Variants in SLC43A1 observed in about 807,000 individuals in gnomAD.
The protein encoded by SLC43A1 is large neutral amino acids transporter small subunit 3.
SLC43A1 carries 31 observed loss-of-function variants against 59.5 expected under a neutral mutation model. The ratio of observed to expected loss-of-function variants is 0.52; its 90% CI spans 0.39 to 0.70. The LOEUF is 0.70. Among genes scored for constraint, SLC43A1 ranks in the 30% least tolerant of loss-of-function variants. The probability of loss-of-function intolerance (pLI) is 0.00; values close to 1 mark genes in which losing one functional copy is unlikely to be tolerated. For missense variants in SLC43A1, 598 were observed against 717.8 expected (o/e 0.83, Z 1.91); for synonymous variants, 259 against 290.9 (o/e 0.89, Z 1.12).
intron 2 of SLC43A1, among the ~76,000 whole-genome samples, chr11:57,502,322 C>G (rs1452219935): frequency 6.6e-6 from 1 of 152,226 alleles, no homozygotes; most frequent in African/African-American, 2.4e-5. Context: ...GCACCTTGAC[C>G]AAGTAACTTT....
chr11:57,500,573 C>A (rs975864305), intron 5 of SLC43A1, among the ~76,000 whole-genome samples: 5 of 152,280 alleles, frequency 3.3e-5, no homozygotes, highest in South Asian at 2.1e-4. Context: ...TTAACATACA[C>A]CCCGACACAC....
intron 2 of SLC43A1, among the ~76,000 whole-genome samples, chr11:57,510,795 C>T (rs1285507036): frequency 1.3e-5 from 2 of 151,918 alleles, no homozygotes; most frequent in African/African-American, 4.8e-5. Flanking sequence ...ATTTCAAGAC[C>T]AGCCTGGACA....
At chr11:57,504,493 A>G (rs1944346577) in intron 2 of SLC43A1, among the ~76,000 whole-genome samples, 1 of 152,248 alleles carries the variant, frequency 6.6e-6, no homozygotes, top group Non-Finnish European at 1.5e-5. Flanking sequence ...GTGCAAATTT[A>G]CACCTACTTT....
chr11:57,491,494 T>C, intron 10 of SLC43A1, 97 bp downstream of exon 10: 1 of 1,585,962 alleles, frequency 6.3e-7, no homozygotes, highest in Non-Finnish European at 8.6e-7. Context: ...CACAAAAGGG[T>C]TACCTGGGTG....
At chr11:57,499,182 G>A (rs1166112202) in intron 5 of SLC43A1, among the ~76,000 whole-genome samples, 1 of 152,120 alleles carries the variant, frequency 6.6e-6, no homozygotes, top group Non-Finnish European at 1.5e-5. Context: ...AAATTAGCCG[G>A]GCGTGGAGGC....
intron 13 of SLC43A1, among the ~76,000 whole-genome samples, chr11:57,487,699 G>A (rs1220541359): frequency 1.3e-5 from 2 of 151,754 alleles, no homozygotes; most frequent in African/African-American, 2.4e-5. Context: ...GATAAACGCT[G>A]AGAAAAACCA....
At chr11:57,490,829 A>G (rs1313243395) in intron 11 of SLC43A1, among the ~76,000 whole-genome samples, 1 of 152,240 alleles carries the variant, frequency 6.6e-6, no homozygotes, top group African/African-American at 2.4e-5. Flanking sequence ...TCTAGCCCTA[A>G]CAAGACTTTA....
rs111676609 is a variant in SLC43A1 at position 57,489,243 on chromosome 11, G to A, written c.1335+8C>T. 57 of 1,614,174 alleles carry A rather than the reference G, an allele frequency of 3.5e-5. 1 individual carries two copies. The African/African-American group carries it at 4.1e-4, about 12-fold the overall frequency. ...AGGCAGGGAGAGGGGAAGGATGAAG[G>A]TGGGTACCTGGAGGTGTAAGTTGTT... On this transcript the variant is annotated splice_region_variant and intron_variant, in intron 12 of 14. Transcript: ENST00000278426.
chr11:57,493,993 T>C lies in SLC43A1; in HGVS notation c.871A>G (p.Arg291Gly). The change falls in exon 8 of 15, where the codon AGG (arginine) becomes GGG (glycine). Residue 291 changes from arginine to glycine, a missense_variant and splice_region_variant. Coordinates refer to ENST00000278426, the MANE Select transcript of SLC43A1 (RefSeq NM_003627.6). ...GCCGGCACCTTGACCAGACACTCAC[T>C]CTCAGGAAGGTTTTCTGAGGTGCCC... ...VRGTSENLPE[R>G]SVPLRKSLCS... 1 of 1,587,448 alleles carries C rather than the reference T, an allele frequency of 6.3e-7. No homozygotes were observed. The highest frequency in any genetic ancestry group is 8.6e-7 in the Non-Finnish European group (1 of 1,168,376).
At position 57,491,785 on chromosome 11, in the gene SLC43A1, G is replaced by A. The variant is rs1943912152; in HGVS notation, c.949C>T (p.Arg317Trp). Residue 317 changes from arginine to tryptophan, a missense_variant, in exon 9 of 15, where the codon CGG (arginine) becomes TGG (tryptophan). Coordinates refer to ENST00000278426, the MANE Select transcript of SLC43A1 (RefSeq NM_003627.6). ...SLLTMGMTQL[R>W]IIFYMAAVNK... The stretch of plus-strand genomic sequence containing the variant: ...ACAGCAGCCATGTAGAAGATGATCC[G>A]CAGCTGGGTCATGCCCATGGTGAGG... 5 of 1,614,196 alleles carry A rather than the reference G, an allele frequency of 3.1e-6. No homozygotes were observed. Among genetic ancestry groups the A allele is most frequent in the East Asian group, 2.2e-5 (1 of 44,884 alleles).
chr11:57,500,708 C>T, intron 5 of SLC43A1, 71 bp downstream of exon 5: 5 of 1,382,442 alleles, frequency 3.6e-6, no homozygotes, highest in East Asian at 2.3e-5. Context: ...TCATACTGCC[C>T]TCACCCCACT....
In SLC43A1 at chr11:57,514,938, G is replaced by A. The variant is rs903987650; in HGVS notation, c.-14+506C>T. On this transcript the variant is annotated intron_variant, in intron 1 of 14. Coordinates refer to ENST00000278426, the MANE Select transcript of SLC43A1 (RefSeq NM_003627.6). This position sits in a 1 kb window ranked among gnomAD's most constrained non-coding sequence, Gnocchi z 5.5. ...CTGGCGGGCGGGTGTGTTTACCAAA[G>A]GGAGGGAAAGAGCCCCAGCTCCCCC... 2.1e-6 allele frequency: 2 copies of A among 971,334 alleles called. No homozygotes were observed. The highest frequency in any genetic ancestry group is 2.4e-6 in the Non-Finnish European group (2 of 817,106). The allele number at this position is 971,334 out of a possible 1,614,324, so 60.2% of individuals were successfully genotyped here. A position where few individuals can be genotyped will look rare whatever the true frequency, so the allele number is the denominator to read the frequency against.
rs1447354352 is a variant in SLC43A1, at chr11:57,514,343, A to G, written c.-13-219T>C. The G allele has an allele frequency of 9.0e-6, 5 of 557,244 alleles. No individual in the cohort carries two copies. Among genetic ancestry groups the G allele is most frequent in the Non-Finnish European group, 9.5e-6 (3 of 317,252 alleles). 34.5% of individuals were successfully genotyped at this position (557,244 alleles called of 1,614,324 possible). A position where few individuals can be genotyped will look rare whatever the true frequency, so the allele number is the denominator to read the frequency against. ...GGCACGGGGCTCCCGCTGAGCCACT[A>G]TCGGAAACAAGGAAGGTCCTGTCTG... On this transcript the variant is annotated intron_variant, in intron 1 of 14. Coordinates refer to ENST00000278426, the MANE Select transcript of SLC43A1 (RefSeq NM_003627.6). The surrounding 1 kb of genome is among the most constrained non-coding windows in gnomAD (Gnocchi z 5.5).
At position 57,488,971 on chromosome 11, in the gene SLC43A1, G is replaced by A. The variant is rs114429407; in HGVS notation, c.1354C>T (p.His452Tyr). The change falls in exon 13 of 15, where the codon CAC becomes TAC. Residue 452 changes from histidine to tyrosine, a missense_variant. Physicochemically the swap from His to Tyr is moderately conservative, Grantham distance 83 (BLOSUM62 2). Transcript: ENST00000278426. The part of the protein sequence containing the change: ...LHLQFVTFVL[H>Y]TIVRGFFHSA... Reference sequence around the variant, plus strand: ...TGGAAGAAACCTCGAACAATGGTGTGCAGGACAAAGGTCACAAACTAAAAC... The same window carrying A: ...TGGAAGAAACCTCGAACAATGGTGTACAGGACAAAGGTCACAAACTAAAAC... 4 of 1,614,168 alleles carry A rather than the reference G, an allele frequency of 2.5e-6. No homozygotes were observed. The African/African-American group carries it at 5.3e-5, about 22-fold the overall frequency.
intron 5 of SLC43A1, chr11:57,499,535 G>T (rs1238517262): frequency 1.3e-5 from 2 of 152,178 alleles, no homozygotes; most frequent in Non-Finnish European, 2.9e-5. Context: ...GGCCACAAAC[G>T]CTGTCTGCGC....
intron 8 of SLC43A1, among the ~76,000 whole-genome samples, chr11:57,493,409 G>A (rs1361609794): frequency 6.6e-6 from 1 of 151,996 alleles, no homozygotes. Context: ...TAGTTTAAGA[G>A]GTAAGGAAAT....
intron 2 of SLC43A1, 32 bp downstream of exon 2, chr11:57,513,926 C>T (rs756814746): frequency 3.4e-6 from 4 of 1,162,010 alleles, no homozygotes; most frequent in Admixed American, 3.8e-5. Flanking sequence ...CCATCCCTCC[C>T]CCCAGCCCAC....
chr11:57,488,942 T>G lies in SLC43A1; in HGVS notation c.1383A>C (p.Ser461=), dbSNP rs1202701441. ...CTGCAGCATAGAGACTCCCACAGGC[T>G]GAGTGGAAGAAACCTCGAACAATGG... ...LHTIVRGFFH[S]ACGSLYAAVF... is the part of the protein sequence containing the mutation. Residue 461 remains serine (S), a synonymous_variant, in exon 13 of 15, where the codon TCA becomes TCC. Transcript: ENST00000278426. The G allele has an allele frequency of 4.3e-6, 7 of 1,614,064 alleles. No homozygotes were observed. Among genetic ancestry groups the G allele is most frequent in the Non-Finnish European group, 5.9e-6 (7 of 1,180,024 alleles).
intron 6 of SLC43A1, among the ~76,000 whole-genome samples, chr11:57,496,444 T>C (rs1279132617): frequency 6.6e-6 from 1 of 152,188 alleles, no homozygotes; most frequent in Non-Finnish European, 1.5e-5. Context: ...GAAATTTCCA[T>C]TATCTTAAAA....
Sources: allele counts gnomAD v4.1 joint callset (sites outside exome capture counted in the v4.1 genomes callset), GRCh38; gene constraint gnomAD v4.1.1; non-coding constraint Gnocchi (gnomAD v3.1); transcripts MANE v1.5; gene names NCBI Gene and HGNC (gene_info 2026-07-23, HGNC 2026-07-21).